Variants in RAF1 observed in about 807,000 individuals in gnomAD.
RAF1 encodes RAF proto-oncogene serine/threonine-protein kinase.
Under a neutral mutation model 81.1 loss-of-function variants are expected in RAF1, and 27 were observed. That is an observed-to-expected ratio of 0.33 (90% CI 0.25 to 0.46). RAF1 has a LOEUF of 0.46. RAF1 is among the 20% of genes least tolerant of loss of function. The pLI, the probability that RAF1 is intolerant of heterozygous loss-of-function variation, is 1.00. For synonymous variants in RAF1, 298 were observed against 294.0 expected, an observed-to-expected ratio of 1.01 and a Z score of -0.14; for missense variants, 598 against 826.0, an observed-to-expected ratio of 0.72 and a Z score of 3.38.
intron 5 of RAF1, among the ~76,000 whole-genome samples, chr3:12,608,112 T>A (rs547466232): frequency 6.6e-6 from 1 of 152,260 alleles, no homozygotes; most frequent in East Asian, 1.9e-4. Flanking sequence ...ACTCCCTTGG[T>A]TTCTCTAGTA....
chr3:12,632,930 G>T (rs1367725804), intron 1 of RAF1, among the ~76,000 whole-genome samples: 1 of 152,198 alleles, frequency 6.6e-6, no homozygotes, highest in Non-Finnish European at 1.5e-5. Flanking sequence ...AGACCCAGTT[G>T]AGAGTATGAA....
rs374515740 is a variant in RAF1, at chr3:12,587,837, CTTTTTT to C, written c.1431-206_1431-201del. 1.9e-3 allele frequency: 373 copies of C among 194,690 alleles called. 12 individuals carry two copies. The highest frequency in any genetic ancestry group is 8.8e-3 in the African/African-American group (276 of 31,302). The allele number at this position is 194,690 out of a possible 1,614,324, so 12.1% of individuals were successfully genotyped here. A position where few individuals can be genotyped will look rare whatever the true frequency, so the allele number is the denominator to read the frequency against. ...GGCCACAGCACAAACATGCTTACACCTTTTTTTTTTTTTTTTTGGAGACTGGAGTGC... is the reference window on the plus strand; with the variant it reads ...GGCCACAGCACAAACATGCTTACACCTTTTTTTTTTTGGAGACTGGAGTGC... On this transcript the variant is annotated intron_variant, in intron 13 of 17. Coordinates refer to ENST00000442415, the MANE Select transcript of RAF1 (RefSeq NM_001354689.3).
intron 1 of RAF1, among the ~76,000 whole-genome samples, chr3:12,647,666 T>A (rs1473610302): frequency 6.6e-6 from 1 of 152,196 alleles, no homozygotes; most frequent in Non-Finnish European, 1.5e-5. Context: ...AAAATAACTT[T>A]CACACATAAA....
chr3:12,636,753 G>A (rs1438561753), intron 1 of RAF1, among the ~76,000 whole-genome samples: 1 of 151,936 alleles, frequency 6.6e-6, no homozygotes, highest in African/African-American at 2.4e-5. Flanking sequence ...GCTGCTGTGA[G>A]CTAAGATCAT....
chr3:12,646,236 G>A (rs543536637), intron 1 of RAF1, among the ~76,000 whole-genome samples: 1 of 152,114 alleles, frequency 6.6e-6, no homozygotes, highest in Non-Finnish European at 1.5e-5. Context: ...AAACTCCTGG[G>A]CTCAAGCAAT....
intron 11 of RAF1, 68 bp from the exon 11 acceptor site, chr3:12,591,860 G>A (rs528797122): frequency 8.5e-7 from 1 of 1,182,686 alleles, no homozygotes; most frequent in East Asian, 2.3e-5. Context: ...ACCTAGTTTT[G>A]AGGAAGATAC....
intron 11 of RAF1, among the ~76,000 whole-genome samples, chr3:12,598,463 A>G (rs2058749187): frequency 6.6e-6 from 1 of 152,184 alleles, no homozygotes; most frequent in East Asian, 1.9e-4. Flanking sequence ...AAGGCTGGGC[A>G]CAGTGGCTCA....
chr3:12,629,314 A>G (rs7621562), intron 1 of RAF1, among the ~76,000 whole-genome samples: 2,232 of 152,306 alleles, frequency 0.015, 54 homozygotes, highest in African/African-American at 0.048. Context: ...AACAAAAACA[A>G]TAAGTGTTTG....
chr3:12,649,170 G>A (rs142122264), intron 1 of RAF1, among the ~76,000 whole-genome samples: 7 of 152,230 alleles, frequency 4.6e-5, no homozygotes, highest in East Asian at 1.9e-4. Context: ...TTAGTGGTGC[G>A]CTCAATAGTA....
chr3:12,635,362 G>A (rs1484224658), intron 1 of RAF1, among the ~76,000 whole-genome samples: 1 of 140,176 alleles, frequency 7.1e-6, no homozygotes, highest in Non-Finnish European at 1.5e-5. Flanking sequence ...AAAGGCCAGG[G>A]GCCATGGCTC....
At position 12,612,079 on chromosome 3, in the gene RAF1, A is replaced by G. The variant is rs3730268; in HGVS notation, c.208-17T>C. 1.0e-3 allele frequency: 1,630 copies of G among 1,593,582 alleles called. 10 individuals carry two copies. In the African/African-American group the frequency reaches 0.018, roughly 18 times the overall value. ...CACATTGACCTACAAACAAAGGACC[A>G]CCTTTAGGACCAACACAGGCTGCAG... On this transcript the variant is annotated splice_polypyrimidine_tract_variant and intron_variant, in intron 2 of 17. Coordinates refer to ENST00000442415, the MANE Select transcript of RAF1 (RefSeq NM_001354689.3).
intron 1 of RAF1, among the ~76,000 whole-genome samples, chr3:12,650,836 A>T (rs1020032671): frequency 5.3e-5 from 8 of 152,186 alleles, no homozygotes; most frequent in African/African-American, 1.9e-4. Context: ...ATTCTTAAGA[A>T]ACATACTATA....
At chr3:12,620,488 TGAGACAGG>T (rs557748209) in intron 1 of RAF1, among the ~76,000 whole-genome samples, 11 of 152,152 alleles carry the variant, frequency 7.2e-5, no homozygotes, top group Non-Finnish European at 1.6e-4. Context: ...ATTTATTTTC[TGAGACAGG>T]GTCTTGCTCT....
At chr3:12,660,261 CA>C (rs2125591234) in intron 1 of RAF1, among the ~76,000 whole-genome samples, 1 of 151,826 alleles carries the variant, frequency 6.6e-6, no homozygotes, top group South Asian at 2.1e-4. Context: ...TCAGCTAAAC[CA>C]AATCCCATAA....
At chr3:12,650,726 C>T (rs899153401) in intron 1 of RAF1, among the ~76,000 whole-genome samples, 7 of 152,122 alleles carry the variant, frequency 4.6e-5, no homozygotes, top group African/African-American at 1.7e-4. Context: ...TAAAAACCAC[C>T]ACCGTTTAAC....
At chr3:12,586,012 T>G in intron 14 of RAF1, 1 of 542,188 alleles carries the variant, frequency 1.8e-6, no homozygotes, top group South Asian at 2.0e-5. Flanking sequence ...TGTGCCAGAT[T>G]ATTTGGCCCT....
chr3:12,585,107 C>T lies in RAF1; in HGVS notation c.1728+15G>A, dbSNP rs777760015. On this transcript the variant is annotated intron_variant, in intron 16 of 17. Transcript: ENST00000442415. ...CTCCCACGAGTTGGGTCCTTTCGCA[C>T]CAGCACAGACTTACCTGATCTCGGT... The T allele has an allele frequency of 5.0e-6, 8 of 1,613,972 alleles. No homozygotes were observed. Among genetic ancestry groups the T allele is most frequent in the Non-Finnish European group, 5.9e-6 (7 of 1,180,022 alleles).
chr3:12,652,499 C>T (rs777273428), intron 1 of RAF1, among the ~76,000 whole-genome samples: 11 of 151,724 alleles, frequency 7.3e-5, no homozygotes, highest in Non-Finnish European at 1.0e-4. Context: ...CCAGCCTGGG[C>T]GACAAAGCTA....
intron 1 of RAF1, among the ~76,000 whole-genome samples, chr3:12,656,128 G>C (rs2060684587): frequency 7.1e-6 from 1 of 140,464 alleles, no homozygotes; most frequent in Admixed American, 7.7e-5. Flanking sequence ...TGCATTGTCA[G>C]GCAATACTAG....
Sources: gnomAD v4.1 joint callset for allele counts (sites outside exome capture counted in the v4.1 genomes callset) on GRCh38, gnomAD v4.1.1 for gene constraint, MANE v1.5 for transcripts, NCBI Gene and HGNC (gene_info 2026-07-23, HGNC 2026-07-21) for gene names.